THRB: variants seen among roughly 807,000 people sequenced by gnomAD.
The protein encoded by THRB is nuclear receptor subfamily 1 group A member 2.
THRB carries 12 observed loss-of-function variants against 47.8 expected under a neutral mutation model. The ratio of observed to expected loss-of-function variants is 0.25; its 90% CI spans 0.16 to 0.41. THRB has a LOEUF of 0.41. Among genes scored for constraint, THRB ranks in the 10% least tolerant of loss-of-function variants. The probability of loss-of-function intolerance (pLI) is 1.00; values close to 1 mark genes in which losing one functional copy is unlikely to be tolerated. For synonymous variants in THRB, 218 were observed against 212.2 expected (o/e 1.03, Z -0.24); for missense variants, 348 against 589.2 (o/e 0.59, Z 4.24).
At chr3:24,406,421 T>C (rs1441122675) in intron 1 of THRB, among the ~76,000 whole-genome samples, 1 of 151,808 alleles carries the variant, frequency 6.6e-6, no homozygotes, top group Admixed American at 6.6e-5. Flanking sequence ...TGATAGCATC[T>C]ATTGTAACAG....
chr3:24,216,394 A>G (rs2046561932), intron 4 of THRB, among the ~76,000 whole-genome samples: 1 of 152,194 alleles, frequency 6.6e-6, no homozygotes, highest in Non-Finnish European at 1.5e-5. Context: ...TCACGAGGTC[A>G]GGAGATCGAG....
At chr3:24,443,645 T>C (rs1237535077) in intron 1 of THRB, among the ~76,000 whole-genome samples, 1 of 152,112 alleles carries the variant, frequency 6.6e-6, no homozygotes, top group African/African-American at 2.4e-5. Context: ...AAAAAGATGA[T>C]TAAATATTAG....
At chr3:24,433,827 T>C (rs760314507) in intron 1 of THRB, among the ~76,000 whole-genome samples, 4 of 152,284 alleles carry the variant, frequency 2.6e-5, no homozygotes, top group Non-Finnish European at 5.9e-5. Flanking sequence ...TGATACTCCA[T>C]GTACATTAAT....
At chr3:24,436,766 G>A (rs112997965) in intron 1 of THRB, among the ~76,000 whole-genome samples, 7 of 152,196 alleles carry the variant, frequency 4.6e-5, no homozygotes, top group African/African-American at 1.7e-4. Flanking sequence ...AAGCTTCTTC[G>A]AAATGCTCTG....
chr3:24,334,870 T>G (rs925638426), intron 2 of THRB, among the ~76,000 whole-genome samples: 5 of 152,172 alleles, frequency 3.3e-5, no homozygotes, highest in African/African-American at 1.2e-4. Flanking sequence ...AAGTCCAGCA[T>G]AGTTAAAAGC....
chr3:24,211,110 G>T (rs940617494), intron 4 of THRB, among the ~76,000 whole-genome samples: 13 of 149,472 alleles, frequency 8.7e-5, no homozygotes, highest in Non-Finnish European at 7.4e-5. Flanking sequence ...TGAGGCCGGA[G>T]AATCACTTGA....
intron 1 of THRB, among the ~76,000 whole-genome samples, chr3:24,367,807 T>C (rs182067728): frequency 7.2e-5 from 11 of 152,212 alleles, no homozygotes; most frequent in Admixed American, 7.2e-4. Flanking sequence ...CTCTAAAGGG[T>C]ACACTGAACT....
At position 24,377,217 on chromosome 3, in the gene THRB, T is replaced by C. The variant is rs376491530; in HGVS notation, c.-260-39846A>G. The stretch of plus-strand genomic sequence containing the variant: ...GCCTCGGCCTCCCTGTCTCCTACTT[T>C]TAAGAACACAAATTCATAGCAAGAG... On this transcript the variant is annotated intron_variant, in intron 1 of 10. Transcript: ENST00000646209. 9.9e-5 allele frequency among the ~76,000 whole-genome samples: 15 copies of C among 152,238 alleles called. No homozygotes were observed. The East Asian group carries it at 1.5e-3, about 16-fold the overall frequency.
chr3:24,136,596 G>A (rs567369236), intron 8 of THRB, among the ~76,000 whole-genome samples: 15 of 152,196 alleles, frequency 9.9e-5, no homozygotes, highest in African/African-American at 3.4e-4. Context: ...TAATAGCCTC[G>A]TAAACTACTA....
At chr3:24,132,408 G>C (rs2034005253) in intron 9 of THRB, among the ~76,000 whole-genome samples, 1 of 152,188 alleles carries the variant, frequency 6.6e-6, no homozygotes, top group African/African-American at 2.4e-5. Flanking sequence ...AGCAGTATTA[G>C]CAGTTAAACT....
intron 1 of THRB, among the ~76,000 whole-genome samples, chr3:24,416,977 G>A (rs1371331709): frequency 1.3e-5 from 2 of 151,998 alleles, no homozygotes; most frequent in African/African-American, 2.4e-5. Context: ...ATATAAGAAA[G>A]CAGATATTTC....
chr3:24,296,380 C>T (rs999053494), intron 3 of THRB, among the ~76,000 whole-genome samples: 3 of 152,212 alleles, frequency 2.0e-5, no homozygotes, highest in African/African-American at 7.2e-5. Flanking sequence ...AGAAGCTTGA[C>T]TTCCCAAAGC....
In THRB at chr3:24,143,438, G is replaced by T; in HGVS notation, c.738+63C>A. The stretch of plus-strand genomic sequence containing the variant: ...CCAGTATCCCAAGGTGATGAGGACT[G>T]AATAAATTGAGGTAGAAAACACTGG... On this transcript the variant is annotated intron_variant, in intron 8 of 10. Transcript: ENST00000646209. 2.7e-6 allele frequency: 4 copies of T among 1,504,350 alleles called. No homozygotes were observed. The South Asian group carries it at 3.4e-5, about 13-fold the overall frequency. The allele number at this position is 1,504,350 out of a possible 1,614,324, so 93.2% of individuals were successfully genotyped here.
intron 1 of THRB, among the ~76,000 whole-genome samples, chr3:24,378,341 G>T (rs1577195648): frequency 6.6e-6 from 1 of 152,274 alleles, no homozygotes; most frequent in East Asian, 1.9e-4. Context: ...CACTTGTTAG[G>T]ATCACCAGAA....
intron 4 of THRB, among the ~76,000 whole-genome samples, chr3:24,209,828 A>T (rs2045828826): frequency 6.6e-6 from 1 of 152,266 alleles, no homozygotes; most frequent in Admixed American, 6.5e-5. Context: ...TATTAAAAAA[A>T]AATGACATAA....
At chr3:24,434,300 G>T (rs2070729889) in intron 1 of THRB, among the ~76,000 whole-genome samples, 2 of 152,140 alleles carry the variant, frequency 1.3e-5, no homozygotes, top group Non-Finnish European at 2.9e-5. Flanking sequence ...TTAATTCAAG[G>T]CAGTTGCTTT....
chr3:24,177,007 A>C (rs1446253365), intron 5 of THRB, among the ~76,000 whole-genome samples: 1 of 152,226 alleles, frequency 6.6e-6, no homozygotes, highest in East Asian at 1.9e-4. Context: ...GAGTTAATTA[A>C]GACTGATTCT....
intron 2 of THRB, among the ~76,000 whole-genome samples, chr3:24,335,971 T>G (rs993200228): frequency 2.6e-5 from 4 of 152,160 alleles, no homozygotes; most frequent in African/African-American, 9.7e-5. Context: ...AGCCTTCTCA[T>G]CTTTAAACAG....
At chr3:24,315,398 G>A (rs2058046420) in intron 2 of THRB, among the ~76,000 whole-genome samples, 1 of 152,180 alleles carries the variant, frequency 6.6e-6, no homozygotes, top group African/African-American at 2.4e-5. Flanking sequence ...CTGCACTTAC[G>A]TGGCTAAGCT....
Sources: gnomAD v4.1 joint callset for allele counts (sites outside exome capture counted in the v4.1 genomes callset) on GRCh38, gnomAD v4.1.1 for gene constraint, MANE v1.5 for transcripts, NCBI Gene and HGNC (gene_info 2026-07-23, HGNC 2026-07-21) for gene names.